SLC44A5: variants seen among roughly 807,000 people sequenced by gnomAD.
SLC44A5 encodes the protein solute carrier family 44 member 5.
SLC44A5 carries 57 observed loss-of-function variants against 101.8 expected under a neutral mutation model. The observed-to-expected ratio is 0.56, with a 90% CI of 0.45 to 0.70. The LOEUF (loss-of-function observed/expected upper bound fraction) is 0.70. SLC44A5 is among the 30% of genes least tolerant of loss of function. The pLI is 0.00. For missense variants in SLC44A5, 737 were observed against 853.1 expected (o/e 0.86, Z 1.70); for synonymous variants, 281 against 290.9 (o/e 0.97, Z 0.35).
chr1:75,682,257 TA>T, the SLC44A5 span, among the ~76,000 whole-genome samples: 1 of 152,228 alleles, frequency 6.6e-6, no homozygotes, highest in East Asian at 1.9e-4. Context: ...AAAACTACTT[TA>T]AAGTTCATAT....
At chr1:75,367,544 G>A (rs114654108) in intron 3 of SLC44A5, among the ~76,000 whole-genome samples, 1 of 152,184 alleles carries the variant, frequency 6.6e-6, no homozygotes, top group Non-Finnish European at 1.5e-5. Context: ...ATGGCTCAGA[G>A]GACCTGGAGT....
intron 3 of SLC44A5, among the ~76,000 whole-genome samples, chr1:75,392,959 TACAGAC>T (rs1661891841): frequency 6.6e-6 from 1 of 152,050 alleles, no homozygotes; most frequent in Admixed American, 6.6e-5. Flanking sequence ...ATTGGGTACA[TACAGAC>T]ATAAACATGG....
Position 75,404,595 on chromosome 1 carries a change from C to T in SLC44A5, c.14-7974G>A, listed in dbSNP as rs186712937. On this transcript the variant is annotated intron_variant, in intron 2 of 23. Coordinates refer to ENST00000370859, the MANE Select transcript of SLC44A5 (RefSeq NM_001130058.2). ...ACCCAGAATTTAATATCCAGCCAAA[C>T]TTAGCTTCATAAGAAAAGGAGAAAT... is the stretch of plus-strand genomic sequence containing the variant. Among the ~76,000 whole-genome samples the T allele has an allele frequency of 3.9e-3, 587 of 152,274 alleles. 6 individuals are homozygous for T. The South Asian group carries it at 0.039, about 10-fold the overall frequency.
At chr1:75,383,653 C>T (rs1199701146) in intron 3 of SLC44A5, among the ~76,000 whole-genome samples, 1 of 152,172 alleles carries the variant, frequency 6.6e-6, no homozygotes, top group East Asian at 1.9e-4. Flanking sequence ...TCCAGGAGAA[C>T]TTCCCCAATC....
At chr1:75,233,497 T>C (rs10493563) in intron 12 of SLC44A5, among the ~76,000 whole-genome samples, 7,790 of 152,168 alleles carry the variant, frequency 0.051, 246 homozygotes, top group Middle Eastern at 0.13. Context: ...AAAAGTGTAA[T>C]TCGGAATACT....
chr1:75,673,760 A>G, the SLC44A5 span, among the ~76,000 whole-genome samples: 9 of 152,144 alleles, frequency 5.9e-5, no homozygotes, highest in Non-Finnish European at 8.8e-5. Flanking sequence ...AGAGGAGAAC[A>G]AGAGTCTGCC....
intron 1 of SLC44A5, among the ~76,000 whole-genome samples, chr1:75,594,540 C>T (rs1674529441): frequency 6.6e-6 from 1 of 151,926 alleles, no homozygotes; most frequent in Non-Finnish European, 1.5e-5. Context: ...ATTTTTTAAA[C>T]TATCAGTATG....
Position 75,525,798 on chromosome 1 carries a change from G to A in SLC44A5, c.13+15637C>T, listed in dbSNP as rs76667541. On this transcript the variant is annotated intron_variant, in intron 2 of 23. Coordinates refer to ENST00000370859, the MANE Select transcript of SLC44A5 (RefSeq NM_001130058.2). ...AAATATTATGGTAAATATTATGTCT[G>A]CAACATATTTTCAAGGTGTTCGGAA... is the stretch of plus-strand genomic sequence containing the variant. Among the ~76,000 whole-genome samples, 882 of 152,206 alleles carry A rather than the reference G, an allele frequency of 5.8e-3. 4 individuals carry two copies. Among genetic ancestry groups the A allele is most frequent in the African/African-American group, 0.02 (845 of 41,536 alleles).
chr1:75,673,372 G>C, the SLC44A5 span, among the ~76,000 whole-genome samples: 1 of 152,100 alleles, frequency 6.6e-6, no homozygotes, highest in Admixed American at 6.5e-5. Context: ...ACTTTCTCTT[G>C]TGGCTTGGGT....
chr1:75,682,999 G>A, the SLC44A5 span, among the ~76,000 whole-genome samples: 1 of 152,038 alleles, frequency 6.6e-6, no homozygotes, highest in Non-Finnish European at 1.5e-5. Flanking sequence ...AAAAACACAT[G>A]AAAAAATGCT....
chr1:75,242,643 G>A (rs1648737429), intron 8 of SLC44A5, among the ~76,000 whole-genome samples: 1 of 151,956 alleles, frequency 6.6e-6, no homozygotes, highest in African/African-American at 2.4e-5. Flanking sequence ...TTAGTGTCGG[G>A]GAATAGTAGA....
At chr1:75,299,972 C>T (rs1042692952) in intron 5 of SLC44A5, among the ~76,000 whole-genome samples, 18 of 140,504 alleles carry the variant, frequency 1.3e-4, no homozygotes, top group Non-Finnish European at 1.1e-4. Flanking sequence ...GCTGAGATTG[C>T]GCCGCTGCAC....
the SLC44A5 span, among the ~76,000 whole-genome samples, chr1:75,657,942 T>A: frequency 6.6e-6 from 1 of 151,634 alleles, no homozygotes; most frequent in Admixed American, 6.5e-5. Context: ...AGCTACAGTC[T>A]AGATCAAATG....
intron 23 of SLC44A5, chr1:75,205,418 G>GT (rs1557517762): frequency 6.6e-6 from 1 of 152,092 alleles, no homozygotes. Flanking sequence ...TTTTTACATG[G>GT]TTAACCACAT....
intron 2 of SLC44A5, among the ~76,000 whole-genome samples, chr1:75,506,020 T>G (rs940397306): frequency 1.3e-5 from 2 of 152,178 alleles, no homozygotes; most frequent in Non-Finnish European, 2.9e-5. Context: ...CTCACATTAA[T>G]TTTTGTATAT....
chr1:75,634,583 A>G, the SLC44A5 span, among the ~76,000 whole-genome samples: 16 of 151,638 alleles, frequency 1.1e-4, no homozygotes, highest in East Asian at 2.9e-3. Flanking sequence ...TATTTAATAA[A>G]TGGTGCTGGG....
At chr1:75,339,052 G>C (rs1657666037) in intron 4 of SLC44A5, among the ~76,000 whole-genome samples, 1 of 152,162 alleles carries the variant, frequency 6.6e-6, no homozygotes, top group South Asian at 2.1e-4. Context: ...GAGAGGGCAG[G>C]AAGCACCAGC....
chr1:75,380,882 GGAT>G (rs1298656020), intron 3 of SLC44A5, among the ~76,000 whole-genome samples: 1 of 81,968 alleles, frequency 1.2e-5, no homozygotes. Flanking sequence ...GAGGAAGAAG[GGAT>G]GATGATAAAT....
chr1:75,681,594 G>A, the SLC44A5 span, among the ~76,000 whole-genome samples: 2 of 150,872 alleles, frequency 1.3e-5, no homozygotes, highest in Non-Finnish European at 3.0e-5. Context: ...ATTAGGTATT[G>A]ATGGGACATA....
Sources: gnomAD v4.1 joint callset for allele counts (sites outside exome capture counted in the v4.1 genomes callset) on GRCh38, gnomAD v4.1.1 for gene constraint, MANE v1.5 for transcripts, NCBI Gene and HGNC (gene_info 2026-07-23, HGNC 2026-07-21) for gene names.